Variants in ATAD3C observed in about 807,000 individuals in gnomAD.
ATAD3C encodes ATPase family AAA domain-containing protein 3C.
In ATAD3C, 38 loss-of-function variants were observed where a neutral mutation model predicts 46.3. That is an observed-to-expected ratio of 0.82 (90% CI 0.63 to 1.08). ATAD3C has a LOEUF of 1.08. ATAD3C is among the 50% of genes least tolerant of loss of function. The probability of loss-of-function intolerance (pLI) is 0.00; values close to 1 mark genes in which losing one functional copy is unlikely to be tolerated. For synonymous variants in ATAD3C, 220 were observed against 236.4 expected, an observed-to-expected ratio of 0.93 and a Z score of 0.63; for missense variants, 563 against 572.7, an observed-to-expected ratio of 0.98 and a Z score of 0.17.
chr1:1,468,353 G>A lies in ATAD3C; in HGVS notation c.1090-31G>A, dbSNP rs368903347. On this transcript the variant is annotated intron_variant, in intron 11 of 11. Transcript: ENST00000378785. The stretch of plus-strand genomic sequence containing the variant: ...ATTTGGGGTGGGGGGTTCCCATGGC[G>A]GCCTCCCTCAGCTCCCTCTCTCCCC... The A allele has an allele frequency of 7.0e-5, 110 of 1,576,426 alleles. 2 individuals carry two copies. Among genetic ancestry groups the A allele is most frequent in the African/African-American group, 6.8e-4 (50 of 73,250 alleles).
At position 1,468,535 on chromosome 1, in the gene ATAD3C, A is replaced by G. The variant is rs1487703497; in HGVS notation, c.*5A>G. The stretch of plus-strand genomic sequence containing the variant: ...GACGAGCAACCCTCATCCTGAGTCC[A>G]TGGGGAGACCACACCTCACGGAGCC... On this transcript the variant is annotated 3_prime_UTR_variant, in exon 12 of 12. Coordinates refer to ENST00000378785, the MANE Select transcript of ATAD3C (RefSeq NM_001039211.3). 4.4e-6 allele frequency: 7 copies of G among 1,601,662 alleles called. No individual in the cohort carries two copies. Among genetic ancestry groups the G allele is most frequent in the South Asian group, 1.1e-5 (1 of 90,090 alleles).
At chr1:1,452,852 T>C (rs1201159026) in intron 3 of ATAD3C, among the ~76,000 whole-genome samples, 4 of 150,988 alleles carry the variant, frequency 2.6e-5, no homozygotes, top group Non-Finnish European at 5.9e-5. Flanking sequence ...CGACCCTGAC[T>C]CCATTTTGCA....
At position 1,458,910 on chromosome 1, in the gene ATAD3C, G is replaced by A. The variant is rs578091340; in HGVS notation, c.742-251G>A. Among the ~76,000 whole-genome samples the A allele has an allele frequency of 1.3e-4, 19 of 151,578 alleles. No individual in the cohort carries two copies. Among genetic ancestry groups the A allele is most frequent in the East Asian group, 3.9e-4 (2 of 5,154 alleles). ...TAATTTTTGTATTTTTAGTAGAGACGGGGTCTCACCATGTTGGCCAGGATG... is the reference window on the plus strand; with the variant it reads ...TAATTTTTGTATTTTTAGTAGAGACAGGGTCTCACCATGTTGGCCAGGATG... On this transcript the variant is annotated intron_variant, in intron 8 of 11. Coordinates refer to ENST00000378785, the MANE Select transcript of ATAD3C (RefSeq NM_001039211.3).
intron 3 of ATAD3C, 141 bp downstream of exon 3, chr1:1,452,575 G>C: frequency 1.5e-5 from 20 of 1,374,820 alleles, no homozygotes; most frequent in Non-Finnish European, 2.0e-5. Context: ...AACTGGACCT[G>C]CTGGTGGGAG....
In ATAD3C at chr1:1,454,423, G is replaced by A. The variant is rs781740791; in HGVS notation, c.301G>A (p.Ala101Thr). The A allele has an allele frequency of 1.4e-5, 23 of 1,609,282 alleles. No homozygotes were observed. The East Asian group carries it at 1.8e-4, about 13-fold the overall frequency. ...ATAVTGRYIE[A>T]RLGKPSLVRE... Reference sequence around the variant, plus strand: ...AGCCGTCACTGGCCGCTACATCGAGGCTCGGCTGGGGAAGCCGTCCCTAGT... The same window carrying A: ...AGCCGTCACTGGCCGCTACATCGAGACTCGGCTGGGGAAGCCGTCCCTAGT... The change falls in exon 4 of 12, where the codon GCT (alanine) becomes ACT (threonine). Residue 101 changes from alanine to threonine, a missense_variant. This residue lies in a region of ATAD3C where 263 missense variants were observed against 243.1 expected (regional missense o/e 1.08). Transcript: ENST00000378785.
intron 11 of ATAD3C, among the ~76,000 whole-genome samples, chr1:1,464,374 C>T (rs932271481): frequency 6.6e-6 from 1 of 151,832 alleles, no homozygotes; most frequent in African/African-American, 2.4e-5. Context: ...GAGAGAGCAA[C>T]TCAGCTCTCT....
chr1:1,460,929 G>A lies in ATAD3C; in HGVS notation c.980+12G>A, dbSNP rs752152738. On this transcript the variant is annotated intron_variant, in intron 10 of 11. Transcript: ENST00000378785. The stretch of plus-strand genomic sequence containing the variant: ...ACAGAAGGAAAGCGGTAAGTGTCCC[G>A]CCCCACCAGCCCCCGTCCAGGGGCC... 3.1e-5 allele frequency: 50 copies of A among 1,593,290 alleles called. 2 individuals carry two copies. The highest frequency in any genetic ancestry group is 4.5e-5 in the East Asian group (2 of 44,184).
At chr1:1,457,334 C>A (rs752774266) in intron 8 of ATAD3C, among the ~76,000 whole-genome samples, 154 bp downstream of exon 8, 4 of 151,794 alleles carry the variant, frequency 2.6e-5, no homozygotes, top group Non-Finnish European at 4.4e-5. Context: ...GAGGCTCACG[C>A]CTGTAATACC....
intron 1 of ATAD3C, among the ~76,000 whole-genome samples, chr1:1,451,715 G>A (rs564765277): frequency 1.3e-5 from 2 of 152,158 alleles, no homozygotes; most frequent in African/African-American, 2.4e-5. Flanking sequence ...TAGCTTTAAC[G>A]TTTAATTGGC....
chr1:1,461,194 T>TTC (rs201768958), intron 10 of ATAD3C, among the ~76,000 whole-genome samples: 3 of 139,368 alleles, frequency 2.2e-5, no homozygotes, highest in African/African-American at 8.8e-5. Flanking sequence ...ACCTTTAACA[T>TTC]TTTTTTTTTT....
chr1:1,462,492 A>G lies in ATAD3C; in HGVS notation c.981-108A>G, dbSNP rs1639084273. ...CTGTCACAGGTAGAGAGTCCCTCTC[A>G]AGGGGGCATCTGGCATGGGTGTCCG... On this transcript the variant is annotated intron_variant, in intron 10 of 11. Transcript: ENST00000378785. This position sits in a 1 kb window ranked among gnomAD's most constrained non-coding sequence, Gnocchi z 4.5. 4.3e-6 allele frequency: 5 copies of G among 1,161,732 alleles called. No individual in the cohort carries two copies. Among genetic ancestry groups the G allele is most frequent in the Non-Finnish European group, 6.2e-6 (5 of 801,390 alleles). 72.0% of individuals were successfully genotyped at this position (1,161,732 alleles called of 1,614,324 possible). A position where few individuals can be genotyped will look rare whatever the true frequency, so the allele number is the denominator to read the frequency against.
At position 1,458,895 on chromosome 1, in the gene ATAD3C, A is replaced by G. The variant is rs564774964; in HGVS notation, c.742-266A>G. On this transcript the variant is annotated intron_variant, in intron 8 of 11. Transcript: ENST00000378785. ...GCCACCACGCCTGGCTAATTTTTGT[A>G]TTTTTAGTAGAGACGGGGTCTCACC... 6.6e-5 allele frequency among the ~76,000 whole-genome samples: 10 copies of G among 151,270 alleles called. No individual in the cohort carries two copies. The East Asian group carries it at 1.6e-3, about 24-fold the overall frequency.
chr1:1,455,681 G>T, intron 5 of ATAD3C, 110 bp from the exon 6 acceptor site: 7 of 1,563,572 alleles, frequency 4.5e-6, no homozygotes, highest in Non-Finnish European at 6.1e-6. Flanking sequence ...CCCACGAGCT[G>T]GGTGGCTCCC....
Position 1,450,731 on chromosome 1 carries a change from G to A in ATAD3C, c.48G>A (p.Leu16=). Residue 16 remains leucine, a synonymous_variant, in exon 1 of 12, where the codon CTG becomes CTA. Coordinates refer to ENST00000378785, the MANE Select transcript of ATAD3C (RefSeq NM_001039211.3). ...TGGCGCAGATGCAGGAGCAGACGCT[G>A]CAGTTGGAGCAACAGTCCAAGCTCA... The part of the protein sequence containing the change: ...LNLAQMQEQT[L]QLEQQSKLKQ... The A allele has an allele frequency of 6.2e-7, 1 of 1,613,186 alleles. No individual in the cohort carries two copies. Among genetic ancestry groups the A allele is most frequent in the African/African-American group, 1.3e-5 (1 of 75,048 alleles).
At chr1:1,456,021 C>A in intron 6 of ATAD3C, 105 bp downstream of exon 6, 1 of 1,557,286 alleles carries the variant, frequency 6.4e-7, no homozygotes, top group African/African-American at 1.4e-5. Flanking sequence ...CCCCTTAGGC[C>A]TTTGCCCACC....
chr1:1,466,853 G>T (rs1332384466), intron 11 of ATAD3C, among the ~76,000 whole-genome samples: 4 of 152,090 alleles, frequency 2.6e-5, no homozygotes, highest in South Asian at 2.1e-4. Flanking sequence ...CTTTGGCTTT[G>T]ATATGAGGGT....
chr1:1,457,291 G>A lies in ATAD3C; in HGVS notation c.741+111G>A, dbSNP rs765441144. The A allele has an allele frequency of 3.3e-5, 52 of 1,558,458 alleles. 1 individual carries two copies. Among genetic ancestry groups the A allele is most frequent in the Non-Finnish European group, 4.5e-5 (51 of 1,134,696 alleles). On this transcript the variant is annotated intron_variant, in intron 8 of 11. Coordinates refer to ENST00000378785, the MANE Select transcript of ATAD3C (RefSeq NM_001039211.3). ...CTCAATTTCTTTTTCTCTAAGTTTT[G>A]TGTGAAAAACACAGCATTTTTGGCC...
chr1:1,456,199 T>C, intron 6 of ATAD3C, 26 bp from the exon 7 acceptor site: 1 of 1,521,746 alleles, frequency 6.6e-7, no homozygotes, highest in Non-Finnish European at 8.7e-7. Context: ...ACATCTGTTC[T>C]GTCTCCCCTC....
At chr1:1,455,675 C>T (rs921590319) in intron 5 of ATAD3C, 116 bp from the exon 6 acceptor site, 26 of 1,558,556 alleles carry the variant, frequency 1.7e-5, no homozygotes, top group African/African-American at 2.7e-5. Context: ...AGGCTGCCCA[C>T]GAGCTGGGTG....
Sources: gnomAD v4.1 joint callset for allele counts (sites outside exome capture counted in the v4.1 genomes callset) on GRCh38, gnomAD v4.1.1 for gene constraint, gnomAD v4.1.1 regional missense constraint, Gnocchi (gnomAD v3.1) non-coding constraint, MANE v1.5 for transcripts, NCBI Gene and HGNC (gene_info 2026-07-23, HGNC 2026-07-21) for gene names.